Variants in GLIS1 observed in about 807,000 individuals in gnomAD.
GLIS1 encodes the protein GLIS family zinc finger 1.
In GLIS1, 24 loss-of-function variants were observed where a neutral mutation model predicts 63.8. That is an observed-to-expected ratio of 0.38 (90% CI 0.27 to 0.53). GLIS1 has a LOEUF of 0.53. Among genes scored for constraint, GLIS1 ranks in the 20% least tolerant of loss-of-function variants. The pLI, the probability that GLIS1 is intolerant of heterozygous loss-of-function variation, is 0.85. For missense variants in GLIS1, 1,036 were observed against 1,074.1 expected (o/e 0.96, Z 0.50); for synonymous variants, 450 against 482.5 (o/e 0.93, Z 0.88).
At chr1:53,674,171 CAAAAAAA>C (rs11297748) in intron 2 of GLIS1, among the ~76,000 whole-genome samples, 1 of 94,128 alleles carries the variant, frequency 1.1e-5, no homozygotes, top group Admixed American at 1.1e-4. Flanking sequence ...GACTCTGTCT[CAAAAAAA>C]AAAAAAAAAA....
chr1:53,636,358 A>G (rs1175832084), intron 2 of GLIS1, among the ~76,000 whole-genome samples: 1 of 152,200 alleles, frequency 6.6e-6, no homozygotes, highest in African/African-American at 2.4e-5. Flanking sequence ...TGATCATCTC[A>G]ACAATTGCAG....
intron 2 of GLIS1, among the ~76,000 whole-genome samples, chr1:53,727,337 G>A (rs1247517429): frequency 2.6e-5 from 4 of 152,162 alleles, no homozygotes; most frequent in Non-Finnish European, 5.9e-5. Context: ...AGCCTGTCCT[G>A]GAGTGGAGAT....
chr1:53,569,227 T>A (rs1644961737), intron 4 of GLIS1, among the ~76,000 whole-genome samples: 1 of 152,198 alleles, frequency 6.6e-6, no homozygotes. Context: ...GGTAGATACA[T>A]GTCATTATAC....
chr1:53,716,377 G>A (rs1033990494), intron 2 of GLIS1, among the ~76,000 whole-genome samples: 6 of 152,138 alleles, frequency 3.9e-5, no homozygotes, highest in African/African-American at 1.4e-4. Context: ...ACAAGTGGGT[G>A]ACCAGTTGGG....
chr1:53,589,383 G>C (rs1645166718), intron 4 of GLIS1, among the ~76,000 whole-genome samples: 1 of 152,198 alleles, frequency 6.6e-6, no homozygotes, highest in African/African-American at 2.4e-5. Context: ...CCAGCACCCA[G>C]GATTTTGTTT....
At chr1:53,630,224 A>G (rs1569948910) in intron 2 of GLIS1, among the ~76,000 whole-genome samples, 1 of 152,154 alleles carries the variant, frequency 6.6e-6, no homozygotes, top group African/African-American at 2.4e-5. Context: ...ATGATATCAC[A>G]CCATGATTTA....
chr1:53,630,730 C>T (rs1027256611), intron 2 of GLIS1, among the ~76,000 whole-genome samples: 8 of 152,188 alleles, frequency 5.3e-5, no homozygotes, highest in Non-Finnish European at 8.8e-5. Context: ...CTCCAGACCT[C>T]AGGCAATCCA....
intron 4 of GLIS1, among the ~76,000 whole-genome samples, chr1:53,580,204 G>A (rs1257428762): frequency 1.3e-5 from 2 of 152,142 alleles, no homozygotes; most frequent in African/African-American, 4.8e-5. Context: ...CCCATGGGTA[G>A]AGCCATGAGC....
chr1:53,709,385 CAT>C (rs1157188710), intron 2 of GLIS1, among the ~76,000 whole-genome samples: 1 of 43,930 alleles, frequency 2.3e-5, no homozygotes, highest in Non-Finnish European at 4.4e-5. Context: ...TACATATATA[CAT>C]ATATATACAT....
intron 10 of GLIS1, among the ~76,000 whole-genome samples, chr1:53,508,374 T>G (rs900472379): frequency 2.6e-5 from 4 of 152,098 alleles, no homozygotes; most frequent in African/African-American, 9.7e-5. Flanking sequence ...TCCCGCTCAC[T>G]ACCTCAAAGC....
chr1:53,677,296 C>G (rs2100416110), intron 2 of GLIS1, among the ~76,000 whole-genome samples: 1 of 152,338 alleles, frequency 6.6e-6, no homozygotes, highest in East Asian at 1.9e-4. Flanking sequence ...GAAGGACCAG[C>G]AGGGATGCCC....
At chr1:53,525,808 T>C (rs1644462599) in intron 5 of GLIS1, among the ~76,000 whole-genome samples, 1 of 151,804 alleles carries the variant, frequency 6.6e-6, no homozygotes, top group South Asian at 2.1e-4. Context: ...CCACGTCACC[T>C]CCTCTCCAAG....
chr1:53,563,600 A>G (rs1366526956), intron 4 of GLIS1, among the ~76,000 whole-genome samples: 2 of 152,244 alleles, frequency 1.3e-5, no homozygotes, highest in Non-Finnish European at 2.9e-5. Flanking sequence ...TAAGAAATAT[A>G]GCAGCCAGAA....
chr1:53,565,534 C>T (rs576570046), intron 4 of GLIS1, among the ~76,000 whole-genome samples: 17 of 151,788 alleles, frequency 1.1e-4, no homozygotes, highest in South Asian at 6.3e-4. Flanking sequence ...AGGAATAAAA[C>T]GAGAAACATA....
intron 2 of GLIS1, among the ~76,000 whole-genome samples, chr1:53,652,530 T>C (rs560385178): frequency 6.6e-6 from 1 of 152,156 alleles, no homozygotes; most frequent in Non-Finnish European, 1.5e-5. Context: ...ACAGTTTATA[T>C]GTCCATGTCC....
At chr1:53,535,168 G>A (rs1569775257) in intron 4 of GLIS1, among the ~76,000 whole-genome samples, 1 of 152,058 alleles carries the variant, frequency 6.6e-6, no homozygotes, top group Non-Finnish European at 1.5e-5. Flanking sequence ...AACACATGGG[G>A]TAGTGGTTCC....
At chr1:53,644,166 C>T (rs1025943844) in intron 2 of GLIS1, among the ~76,000 whole-genome samples, 32 of 152,280 alleles carry the variant, frequency 2.1e-4, no homozygotes, top group African/African-American at 7.7e-4. Flanking sequence ...ACCACCATCC[C>T]AATCACCAGC....
At chr1:53,645,982 G>A (rs900050400) in intron 2 of GLIS1, among the ~76,000 whole-genome samples, 18 of 152,178 alleles carry the variant, frequency 1.2e-4, no homozygotes, top group Non-Finnish European at 5.9e-5. Context: ...GGGGGCAGGG[G>A]CCATATTCAT....
Position 53,646,955 on chromosome 1 carries a change from G to GGGAAGGAAA in GLIS1, c.260-46686_260-46678dup, listed in dbSNP as rs754721250. On this transcript the variant is annotated intron_variant, in intron 2 of 10. Transcript: ENST00000628545. The surrounding 1 kb of genome is among the most constrained non-coding windows in gnomAD (Gnocchi z 4.2). ...AAAGAAGGAAGGAAAGGGAAGGGAA[G>GGGAAGGAAA]GGAAGGAAAGGAAGGAAAGGAAGGA... Among the ~76,000 whole-genome samples the GGGAAGGAAA allele has an allele frequency of 7.0e-4, 75 of 106,920 alleles. No homozygotes were observed. The highest frequency in any genetic ancestry group is 1.0e-3 in the Non-Finnish European group (53 of 52,238). 70.1% of individuals were successfully genotyped at this position (106,920 alleles called of 152,430 possible). A position where few individuals can be genotyped will look rare whatever the true frequency, so the allele number is the denominator to read the frequency against.
Sources: gnomAD v4.1 joint callset for allele counts (sites outside exome capture counted in the v4.1 genomes callset) on GRCh38, gnomAD v4.1.1 for gene constraint, Gnocchi (gnomAD v3.1) non-coding constraint, MANE v1.5 for transcripts, NCBI Gene and HGNC (gene_info 2026-07-23, HGNC 2026-07-21) for gene names.